Variants in VPS13B observed in about 807,000 individuals in gnomAD.
The protein encoded by VPS13B is vacuolar protein sorting 13 homolog B.
VPS13B carries 285 observed loss-of-function variants against 426.4 expected under a neutral mutation model. That is an observed-to-expected ratio of 0.67 (90% CI 0.61 to 0.74). VPS13B has a LOEUF of 0.74. Ranked by LOEUF, VPS13B falls within the 30% of genes least tolerant of loss-of-function variation. VPS13B has a pLI of 0.00. For missense variants in VPS13B, 4,537 were observed against 4,782.6 expected (o/e 0.95, Z 1.51); for synonymous variants, 1,676 against 1,676.4 (o/e 1.00, Z 0.01).
intron 17 of VPS13B, among the ~76,000 whole-genome samples, chr8:99,272,262 A>G (rs117542107): frequency 6.6e-6 from 1 of 152,294 alleles, no homozygotes; most frequent in Non-Finnish European, 1.5e-5. Context: ...GTTTTCATGA[A>G]TAATTGGCAA....
chr8:99,619,647 G>A (rs1294658622), intron 33 of VPS13B, among the ~76,000 whole-genome samples: 1 of 152,122 alleles, frequency 6.6e-6, no homozygotes, highest in East Asian at 1.9e-4. Context: ...CAAGACAGGA[G>A]GATTGCTTAA....
intron 31 of VPS13B, among the ~76,000 whole-genome samples, chr8:99,574,998 T>C (rs1302504263): frequency 6.6e-6 from 1 of 151,952 alleles, no homozygotes; most frequent in Non-Finnish European, 1.5e-5. Flanking sequence ...ACTCTGTCTC[T>C]AGAAAAAATA....
At position 99,750,650 on chromosome 8, in the gene VPS13B, C is replaced by G. The variant is rs571578752; in HGVS notation, c.7051-16124C>G. ...ATAGAAGCTGAGATTAGTGCTTATTCTACACAAGGCACCATTGTGGAGAGA... is the reference window on the plus strand; with the variant it reads ...ATAGAAGCTGAGATTAGTGCTTATTGTACACAAGGCACCATTGTGGAGAGA... On this transcript the variant is annotated intron_variant, in intron 39 of 61. Coordinates refer to ENST00000357162, the MANE Select transcript of VPS13B (RefSeq NM_152564.5). 3.9e-5 allele frequency among the ~76,000 whole-genome samples: 6 copies of G among 152,218 alleles called. No homozygotes were observed. In the East Asian group the frequency reaches 7.7e-4, roughly 20 times the overall value.
intron 2 of VPS13B, among the ~76,000 whole-genome samples, chr8:99,018,629 T>C (rs1841733354): frequency 2.6e-5 from 4 of 152,228 alleles, no homozygotes; most frequent in Admixed American, 2.0e-4. Flanking sequence ...TAGGACCTTT[T>C]ATATAATGTG....
intron 28 of VPS13B, among the ~76,000 whole-genome samples, chr8:99,508,484 T>G (rs1328131626): frequency 6.6e-6 from 1 of 152,196 alleles, no homozygotes; most frequent in African/African-American, 2.4e-5. Flanking sequence ...TTAACTTTGT[T>G]CTTAAATTTA....
Position 99,870,854 on chromosome 8 carries a change from A to G in VPS13B, c.11462A>G (p.Asp3821Gly). 1 of 1,614,230 alleles carries G rather than the reference A, an allele frequency of 6.2e-7. No homozygotes were observed. Among genetic ancestry groups the G allele is most frequent in the Non-Finnish European group, 8.5e-7 (1 of 1,180,026 alleles). ...CATCAGCCAAGTGATCTACATGCTG[A>G]CCAGGCTCCAAACAGCCATGTCAAA... ...QRHQPSDLHA[D>G]QAPNSHVKYV... Residue 3821 changes from aspartate to glycine, a missense_variant, in exon 60 of 62, where the codon GAC (aspartate) becomes GGC (glycine). Transcript: ENST00000357162.
chr8:99,394,674 G>C (rs1277455290), intron 21 of VPS13B, among the ~76,000 whole-genome samples: 1 of 152,072 alleles, frequency 6.6e-6, no homozygotes. Context: ...TGGAATTCTT[G>C]ATGAAAATGT....
chr8:99,087,257 A>G (rs1430854337), intron 3 of VPS13B, among the ~76,000 whole-genome samples: 5 of 152,144 alleles, frequency 3.3e-5, no homozygotes, highest in East Asian at 1.9e-4. Context: ...CCACCCAGCC[A>G]TGTGCGGGAT....
At chr8:99,621,154 C>A (rs986702250) in intron 33 of VPS13B, among the ~76,000 whole-genome samples, 4 of 152,242 alleles carry the variant, frequency 2.6e-5, no homozygotes, top group Admixed American at 1.3e-4. Flanking sequence ...TTTAAGAGCA[C>A]AAGTCACTGT....
chr8:99,098,282 T>C (rs6468663), intron 4 of VPS13B, among the ~76,000 whole-genome samples: 125,642 of 152,092 alleles, frequency 0.83, 52,404 homozygotes, highest in South Asian at 0.89. Context: ...CTTTATCTTA[T>C]CCAGAACTGA....
intron 17 of VPS13B, among the ~76,000 whole-genome samples, chr8:99,242,518 G>A (rs962471111): frequency 2.6e-5 from 4 of 152,106 alleles, no homozygotes; most frequent in Non-Finnish European, 5.9e-5. Context: ...GAGCAAAGTA[G>A]TTCAAGTGCT....
At chr8:99,552,774 G>A (rs779136791) in intron 30 of VPS13B, among the ~76,000 whole-genome samples, 2 of 152,068 alleles carry the variant, frequency 1.3e-5, no homozygotes, top group African/African-American at 2.4e-5. Flanking sequence ...CAATGGAAAC[G>A]TCTTGTATAA....
intron 12 of VPS13B, among the ~76,000 whole-genome samples, chr8:99,138,196 G>A (rs55871624): frequency 0.17 from 26,459 of 151,994 alleles, 2,823 homozygotes; most frequent in East Asian, 0.38. Context: ...TCATGATCTC[G>A]GCTCACTGCA....
At chr8:99,846,389 C>T (rs535539837) in intron 54 of VPS13B, among the ~76,000 whole-genome samples, 1 of 152,314 alleles carries the variant, frequency 6.6e-6, no homozygotes, top group African/African-American at 2.4e-5. Context: ...GTGACTAATT[C>T]TTTGTAGGCA....
At chr8:99,313,411 A>G (rs202086591) in intron 19 of VPS13B, among the ~76,000 whole-genome samples, 5 of 152,110 alleles carry the variant, frequency 3.3e-5, no homozygotes, top group Admixed American at 6.5e-5. Flanking sequence ...CTGCAGGTCT[A>G]TTGGAGTTTT....
intron 17 of VPS13B, among the ~76,000 whole-genome samples, chr8:99,218,972 G>T (rs1005133263): frequency 5.3e-5 from 8 of 152,134 alleles, no homozygotes; most frequent in African/African-American, 1.9e-4. Flanking sequence ...TGACAATCTG[G>T]GTGGTGCAGG....
chr8:99,047,273 A>G (rs1050763408), intron 3 of VPS13B, among the ~76,000 whole-genome samples: 12 of 152,134 alleles, frequency 7.9e-5, no homozygotes, highest in Admixed American at 4.6e-4. Context: ...TTATCTTTTC[A>G]GGGATTTATC....
chr8:99,437,412 A>ATATAT (rs545927276), intron 22 of VPS13B, among the ~76,000 whole-genome samples: 3 of 150,916 alleles, frequency 2.0e-5, no homozygotes, highest in African/African-American at 7.3e-5. Context: ...TTTAAAAAAA[A>ATATAT]ATATATATAT....
chr8:99,663,267 C>T (rs1830313710), intron 35 of VPS13B, among the ~76,000 whole-genome samples: 1 of 152,206 alleles, frequency 6.6e-6, no homozygotes, highest in South Asian at 2.1e-4. Context: ...ACCATCTCCA[C>T]TGACTTTGTC....
Sources: allele counts gnomAD v4.1 joint callset (sites outside exome capture counted in the v4.1 genomes callset), GRCh38; gene constraint gnomAD v4.1.1; transcripts MANE v1.5; gene names NCBI Gene and HGNC (gene_info 2026-07-23, HGNC 2026-07-21).